NADK2: variants seen among roughly 807,000 people sequenced by gnomAD.
NADK2 encodes NAD kinase domain-containing protein 1, mitochondrial.
In NADK2, 35 loss-of-function variants were observed where a neutral mutation model predicts 62.1. The observed-to-expected ratio is 0.56, with a 90% confidence interval of 0.43 to 0.75. The LOEUF is 0.75. Among genes scored for constraint, NADK2 ranks in the 30% least tolerant of loss-of-function variants. The pLI is 0.00. For synonymous variants in NADK2, 205 were observed against 207.9 expected, an observed-to-expected ratio of 0.99 and a Z score of 0.12; for missense variants, 439 against 561.3, an observed-to-expected ratio of 0.78 and a Z score of 2.20.
At chr5:36,223,901 AG>A (rs1184576079) in intron 4 of NADK2, among the ~76,000 whole-genome samples, 1 of 152,196 alleles carries the variant, frequency 6.6e-6, no homozygotes, top group Non-Finnish European at 1.5e-5. Context: ...TTAGGCTAAA[AG>A]GAGTCAAGTG....
intron 6 of NADK2, among the ~76,000 whole-genome samples, chr5:36,215,211 T>C (rs1746997501): frequency 6.6e-6 from 1 of 152,200 alleles, no homozygotes; most frequent in Non-Finnish European, 1.5e-5. Context: ...AACCTTGGTG[T>C]AGAACATTTT....
chr5:36,232,597 T>C (rs1747748195), intron 1 of NADK2, among the ~76,000 whole-genome samples: 1 of 152,146 alleles, frequency 6.6e-6, no homozygotes, highest in South Asian at 2.1e-4. Context: ...CTTCTTCACA[T>C]ATATTTGGTA....
Position 36,200,395 on chromosome 5 carries a change from ATGT to A in NADK2, c.1013-118_1013-116del, listed in dbSNP as rs1746396870. On this transcript the variant is annotated intron_variant, in intron 9 of 11. Coordinates refer to ENST00000381937, the MANE Select transcript of NADK2 (RefSeq NM_001085411.3). ...AAGTGTATATGTGTTATATATATAT[ATGT>A]TATTATGTAACATAATAGCTAATAT... 11 of 425,178 alleles carry A rather than the reference ATGT, an allele frequency of 2.6e-5. No homozygotes were observed. The East Asian group carries it at 4.7e-4, about 18-fold the overall frequency. The allele number at this position is 425,178 out of a possible 1,614,324, so 26.3% of individuals were successfully genotyped here. A position where few individuals can be genotyped will look rare whatever the true frequency, so the allele number is the denominator to read the frequency against.
Position 36,241,063 on chromosome 5 carries a change from T to C in NADK2, c.300+436A>G, listed in dbSNP as rs1748093562. Among the ~76,000 whole-genome samples, 2 of 151,958 alleles carry C rather than the reference T, an allele frequency of 1.3e-5. No individual in the cohort carries two copies. The highest frequency in any genetic ancestry group is 2.1e-4 in the South Asian group (1 of 4,816). ...CCTCAGCGGCGCCCTGGGCCCCCTT[T>C]CTCGCGGCGGCCAGGGGAGCTGTTC... is the stretch of plus-strand genomic sequence containing the variant. On this transcript the variant is annotated intron_variant, in intron 1 of 11. Coordinates refer to ENST00000381937, the MANE Select transcript of NADK2 (RefSeq NM_001085411.3). This position sits in a 1 kb window ranked among gnomAD's most constrained non-coding sequence, Gnocchi z 4.9.
At chr5:36,219,125 T>C (rs1237909633) in intron 5 of NADK2, among the ~76,000 whole-genome samples, 3 of 152,198 alleles carry the variant, frequency 2.0e-5, no homozygotes, top group African/African-American at 7.2e-5. Flanking sequence ...TTAGACCTAT[T>C]TGTGACTCAG....
At chr5:36,236,509 A>G (rs1363281264) in intron 1 of NADK2, among the ~76,000 whole-genome samples, 1 of 152,232 alleles carries the variant, frequency 6.6e-6, no homozygotes, top group African/African-American at 2.4e-5. Context: ...CTTAAGGCTT[A>G]AACTCTGACT....
rs1412768590 is a variant in NADK2, at chr5:36,241,034, C to G, written c.300+465G>C. ...GGTTGTTTCGGCCCTTTTCCCCCGG[C>G]AGCCCTCAGCGGCGCCCTGGGCCCC... On this transcript the variant is annotated intron_variant, in intron 1 of 11. Transcript: ENST00000381937. This position sits in a 1 kb window ranked among gnomAD's most constrained non-coding sequence, Gnocchi z 4.9. 6.6e-6 allele frequency among the ~76,000 whole-genome samples: 1 copy of G among 152,222 alleles called. No individual in the cohort carries two copies.
intron 1 of NADK2, among the ~76,000 whole-genome samples, chr5:36,230,300 C>T (rs1225920605): frequency 6.6e-6 from 1 of 152,228 alleles, no homozygotes; most frequent in African/African-American, 2.4e-5. Flanking sequence ...TGCTTTCCAT[C>T]CCTCCACCTA....
chr5:36,241,538 G>T lies in NADK2; in HGVS notation c.261C>A (p.Tyr87Ter). The T allele has an allele frequency of 6.4e-7, 1 of 1,569,186 alleles. No individual in the cohort carries two copies. ...TTRYEFEQQR[Y>*]RYAELSEEDL... ...CCTCCTCCGAGAGCTCCGCGTAACGGTACCGCTGCTGCTCGAACTCGTACC... is the reference window on the plus strand; with the variant it reads ...CCTCCTCCGAGAGCTCCGCGTAACGTTACCGCTGCTGCTCGAACTCGTACC... The change falls in exon 1 of 12, where the codon TAC becomes TAA. Residue 87 changes from tyrosine (Y) to a stop codon, truncating the protein, a stop_gained. Coordinates refer to ENST00000381937, the MANE Select transcript of NADK2 (RefSeq NM_001085411.3). LOFTEE classifies it high-confidence loss of function. This position sits in a 1 kb window ranked among gnomAD's most constrained non-coding sequence, Gnocchi z 4.9.
intron 7 of NADK2, among the ~76,000 whole-genome samples, chr5:36,208,314 A>T (rs371018770): frequency 1.3e-5 from 2 of 152,106 alleles, no homozygotes; most frequent in East Asian, 1.9e-4. Flanking sequence ...TCTATTTCAT[A>T]GCTTTGTTAT....
intron 5 of NADK2, 74 bp from the exon 6 acceptor site, chr5:36,217,958 C>A: frequency 7.3e-7 from 1 of 1,375,890 alleles, no homozygotes. Flanking sequence ...AATAATTTAA[C>A]CAAATTAAAT....
intron 1 of NADK2, among the ~76,000 whole-genome samples, chr5:36,237,381 T>G (rs1289597707): frequency 6.6e-6 from 1 of 152,168 alleles, no homozygotes; most frequent in Non-Finnish European, 1.5e-5. Flanking sequence ...ATATTATCAT[T>G]GAATAAAAAG....
At chr5:36,221,181 T>C (rs1439351471) in intron 4 of NADK2, 2 of 152,302 alleles carry the variant, frequency 1.3e-5, no homozygotes, top group African/African-American at 2.4e-5. Flanking sequence ...ATGTTGTAAT[T>C]ATTTACCAGG....
intron 6 of NADK2, among the ~76,000 whole-genome samples, chr5:36,212,608 CTTCTT>C (rs946219712): frequency 1.3e-5 from 2 of 152,148 alleles, no homozygotes; most frequent in Non-Finnish European, 2.9e-5. Context: ...GTTCCCTTTA[CTTCTT>C]TTATTAGTTT....
At chr5:36,201,008 G>A (rs1332420442) in intron 9 of NADK2, 98 bp downstream of exon 9, 1 of 950,670 alleles carries the variant, frequency 1.1e-6, no homozygotes, top group East Asian at 2.4e-5. Flanking sequence ...TAGTATAAGG[G>A]TTTGGTAGTA....
chr5:36,213,097 T>G (rs1032809031), intron 6 of NADK2: 1 of 152,246 alleles, frequency 6.6e-6, no homozygotes, highest in African/African-American at 2.4e-5. Context: ...AAAAGCCATG[T>G]GATGAGCTAA....
At chr5:36,219,703 G>T in intron 4 of NADK2, 24 bp from the exon 5 acceptor site, 1 of 1,592,414 alleles carries the variant, frequency 6.3e-7, no homozygotes, top group Admixed American at 1.7e-5. Flanking sequence ...GGAATTTTTT[G>T]GTGATATAAA....
At position 36,241,871 on chromosome 5, in the gene NADK2, C is replaced by T; in HGVS notation, c.-73G>A. 9.0e-7 allele frequency: 1 copy of T among 1,116,494 alleles called. No homozygotes were observed. Among genetic ancestry groups the T allele is most frequent in the Non-Finnish European group, 1.1e-6 (1 of 909,772 alleles). 69.2% of individuals were successfully genotyped at this position (1,116,494 alleles called of 1,614,324 possible). On this transcript the variant is annotated 5_prime_UTR_variant, in exon 1 of 12. Transcript: ENST00000381937. The surrounding 1 kb of genome is among the most constrained non-coding windows in gnomAD (Gnocchi z 4.9). ...AGCTCCCTACCGCCGGGAGTGCGCG[C>T]CGTCCGCGCCGCCCGGGCCTCTAAC...
intron 1 of NADK2, among the ~76,000 whole-genome samples, chr5:36,231,316 A>G (rs1043390807): frequency 6.6e-6 from 1 of 152,200 alleles, no homozygotes; most frequent in African/African-American, 2.4e-5. Flanking sequence ...AATTCCTAAA[A>G]TTCCAAATCT....
Sources: gnomAD v4.1 joint callset for allele counts (sites outside exome capture counted in the v4.1 genomes callset) on GRCh38, gnomAD v4.1.1 for gene constraint, Gnocchi (gnomAD v3.1) non-coding constraint, MANE v1.5 for transcripts, NCBI Gene and HGNC (gene_info 2026-07-23, HGNC 2026-07-21) for gene names.